ERBB4: variants seen among roughly 807,000 people sequenced by gnomAD.
The protein encoded by ERBB4 is receptor tyrosine-protein kinase erbB-4.
A neutral mutation model predicts 158.0 loss-of-function variants in ERBB4; 42 were observed. The ratio of observed to expected loss-of-function variants is 0.27; its 90% CI spans 0.21 to 0.34. The LOEUF is 0.34. Ranked by LOEUF, ERBB4 falls within the 10% of genes least tolerant of loss-of-function variation. The pLI, the probability that ERBB4 is intolerant of heterozygous loss-of-function variation, is 1.00. For synonymous variants in ERBB4, 583 were observed against 558.7 expected, an observed-to-expected ratio of 1.04 and a Z score of -0.61; for missense variants, 1,333 against 1,624.1, an observed-to-expected ratio of 0.82 and a Z score of 3.08.
intron 1 of ERBB4, among the ~76,000 whole-genome samples, chr2:212,432,727 T>G (rs1192085426): frequency 6.6e-6 from 1 of 152,124 alleles, no homozygotes; most frequent in African/African-American, 2.4e-5. Flanking sequence ...ACATTTAACA[T>G]CATTAATAAC....
chr2:212,210,526 GT>G (rs2082902253), intron 1 of ERBB4, among the ~76,000 whole-genome samples: 2 of 152,080 alleles, frequency 1.3e-5, no homozygotes, highest in African/African-American at 4.8e-5. Context: ...ATAATATCTA[GT>G]TTATGATATC....
chr2:211,432,380 G>A (rs773834277), intron 20 of ERBB4, among the ~76,000 whole-genome samples: 2 of 152,150 alleles, frequency 1.3e-5, no homozygotes, highest in South Asian at 4.1e-4. Flanking sequence ...CCATATAAAT[G>A]CACATTAAAC....
intron 2 of ERBB4, among the ~76,000 whole-genome samples, chr2:212,106,218 C>T (rs1230420964): frequency 6.6e-6 from 1 of 152,152 alleles, no homozygotes; most frequent in Non-Finnish European, 1.5e-5. Context: ...TCCCTAGAGA[C>T]TTGCTGAATG....
rs13411923 is a variant in ERBB4, at chr2:211,721,297, C to T, written c.883+1096G>A. On this transcript the variant is annotated intron_variant, in intron 7 of 27. Coordinates refer to ENST00000342788, the MANE Select transcript of ERBB4 (RefSeq NM_005235.3). ...GATTGTGGATGCTCAGCCTGTACTT[C>T]CTACTGTATCACATACACAAAGTGA... 3.0e-3 allele frequency among the ~76,000 whole-genome samples: 457 copies of T among 152,086 alleles called. 3 individuals are homozygous for T. Among genetic ancestry groups the T allele is most frequent in the African/African-American group, 0.011 (439 of 41,446 alleles).
intron 1 of ERBB4, among the ~76,000 whole-genome samples, chr2:212,445,650 T>A (rs781682215): frequency 6.6e-6 from 1 of 152,186 alleles, no homozygotes; most frequent in Non-Finnish European, 1.5e-5. Flanking sequence ...GGGCATAGCT[T>A]AGTATTACCA....
At chr2:212,523,371 C>A (rs983993705) in intron 1 of ERBB4, among the ~76,000 whole-genome samples, 3 of 151,880 alleles carry the variant, frequency 2.0e-5, no homozygotes, top group African/African-American at 7.3e-5. Context: ...TTAGTTAAAT[C>A]AGTATTTAGT....
intron 2 of ERBB4, among the ~76,000 whole-genome samples, chr2:211,972,432 C>A (rs181636990): frequency 6.6e-6 from 1 of 152,228 alleles, no homozygotes; most frequent in East Asian, 1.9e-4. Context: ...CCAAATAAGA[C>A]CTGCATAGCC....
chr2:212,119,282 T>G (rs554463385), intron 2 of ERBB4, among the ~76,000 whole-genome samples: 22 of 152,290 alleles, frequency 1.4e-4, no homozygotes, highest in Middle Eastern at 3.4e-3. Context: ...CATAGTATAC[T>G]TCTTTACACA....
At chr2:211,472,648 G>T (rs1435159741) in intron 20 of ERBB4, among the ~76,000 whole-genome samples, 2 of 151,674 alleles carry the variant, frequency 1.3e-5, no homozygotes, top group Non-Finnish European at 2.9e-5. Context: ...CTACATCCTT[G>T]GTTTTGTCTC....
At chr2:212,155,035 C>T (rs1039350209) in intron 1 of ERBB4, among the ~76,000 whole-genome samples, 4 of 152,030 alleles carry the variant, frequency 2.6e-5, no homozygotes, top group South Asian at 2.1e-4. Context: ...TGAATGGTGC[C>T]GCAATTCAAA....
intron 1 of ERBB4, among the ~76,000 whole-genome samples, chr2:212,317,384 G>T (rs968039556): frequency 1.3e-5 from 2 of 151,356 alleles, no homozygotes; most frequent in African/African-American, 2.4e-5. Context: ...CTAAATTCCA[G>T]TCATCACCTA....
At chr2:212,164,795 T>C (rs1410332804) in intron 1 of ERBB4, among the ~76,000 whole-genome samples, 2 of 152,032 alleles carry the variant, frequency 1.3e-5, no homozygotes, top group Non-Finnish European at 2.9e-5. Flanking sequence ...TTAAACTTGA[T>C]GAAGTTCTAA....
At position 211,853,772 on chromosome 2, in the gene ERBB4, T is replaced by G. The variant is rs184765794; in HGVS notation, c.422-65613A>C. ...GGACTTTACACTATTGTGATTATGATAGACAATAATCCAATTAGTTACATT... is the reference window on the plus strand; with the variant it reads ...GGACTTTACACTATTGTGATTATGAGAGACAATAATCCAATTAGTTACATT... On this transcript the variant is annotated intron_variant, in intron 3 of 27. Coordinates refer to ENST00000342788, the MANE Select transcript of ERBB4 (RefSeq NM_005235.3). Among the ~76,000 whole-genome samples the G allele has an allele frequency of 2.4e-3, 359 of 152,182 alleles. 7 individuals are homozygous for G. The highest frequency in any genetic ancestry group is 1.5e-3 in the Non-Finnish European group (99 of 67,932).
chr2:211,703,797 T>C (rs2073339430), intron 11 of ERBB4, among the ~76,000 whole-genome samples: 1 of 152,222 alleles, frequency 6.6e-6, no homozygotes, highest in Non-Finnish European at 1.5e-5. Flanking sequence ...ACAACTCTTA[T>C]CTTTTAATTG....
At chr2:211,964,909 G>C (rs1171090372) in intron 2 of ERBB4, among the ~76,000 whole-genome samples, 1 of 151,916 alleles carries the variant, frequency 6.6e-6, no homozygotes, top group Admixed American at 6.6e-5. Context: ...CTACTATATA[G>C]GTGGCACTGT....
intron 4 of ERBB4, among the ~76,000 whole-genome samples, chr2:211,757,194 A>G (rs1313432406): frequency 6.6e-6 from 1 of 152,118 alleles, no homozygotes; most frequent in Non-Finnish European, 1.5e-5. Flanking sequence ...ATGTGAGTTG[A>G]CTTTACTTTT....
At chr2:211,626,684 G>A (rs984539453) in intron 17 of ERBB4, among the ~76,000 whole-genome samples, 7 of 152,064 alleles carry the variant, frequency 4.6e-5, no homozygotes, top group Non-Finnish European at 8.8e-5. Context: ...CAGCACTTTG[G>A]GAGGCCGAGG....
chr2:211,742,545 T>G (rs1309627038), intron 5 of ERBB4, among the ~76,000 whole-genome samples: 2 of 152,164 alleles, frequency 1.3e-5, no homozygotes, highest in African/African-American at 4.8e-5. Context: ...TATATATGTA[T>G]GACATTTTTC....
intron 2 of ERBB4, among the ~76,000 whole-genome samples, chr2:212,035,751 T>C (rs2076998177): frequency 6.6e-6 from 1 of 152,196 alleles, no homozygotes; most frequent in African/African-American, 2.4e-5. Context: ...CCCTGGCATG[T>C]AATATGCACT....
Sources: allele counts gnomAD v4.1 joint callset (sites outside exome capture counted in the v4.1 genomes callset), GRCh38; gene constraint gnomAD v4.1.1; transcripts MANE v1.5; gene names NCBI Gene and HGNC (gene_info 2026-07-23, HGNC 2026-07-21).